DYM: variants seen among roughly 807,000 people sequenced by gnomAD.
DYM encodes the protein dymeclin, also known as dyggve-Melchior-Clausen syndrome protein.
In DYM, 78 loss-of-function variants were observed where a neutral mutation model predicts 93.1. The ratio of observed to expected loss-of-function variants is 0.84; its 90% CI spans 0.70 to 1.01. DYM has a LOEUF of 1.01. Ranked by LOEUF, DYM falls within the 50% of genes least tolerant of loss-of-function variation. DYM has a pLI of 0.00. For synonymous variants in DYM, 321 were observed against 319.7 expected, an observed-to-expected ratio of 1.00 and a Z score of -0.04; for missense variants, 789 against 845.0, an observed-to-expected ratio of 0.93 and a Z score of 0.82.
chr18:49,175,002 C>T (rs1261125659), intron 14 of DYM, among the ~76,000 whole-genome samples: 1 of 152,154 alleles, frequency 6.6e-6, no homozygotes, highest in African/African-American at 2.4e-5. Context: ...TCTCTTTTTA[C>T]TTGCAGATTA....
chr18:49,286,381 A>C, intron 9 of DYM, 53 bp downstream of exon 9: 1 of 1,581,870 alleles, frequency 6.3e-7, no homozygotes, highest in South Asian at 1.1e-5. Context: ...ACAATATAGA[A>C]CAAGCAATAC....
chr18:49,197,109 T>A (rs1229176062), intron 14 of DYM, among the ~76,000 whole-genome samples: 1 of 152,026 alleles, frequency 6.6e-6, no homozygotes, highest in East Asian at 1.9e-4. Context: ...GCTTAAGAGT[T>A]CTCTTGGGAG....
chr18:49,354,347 A>T (rs2065365730), intron 6 of DYM, among the ~76,000 whole-genome samples: 1 of 152,110 alleles, frequency 6.6e-6, no homozygotes, highest in Admixed American at 6.5e-5. Flanking sequence ...ACAATCCATG[A>T]AAGAAATTAT....
At chr18:49,213,741 T>C (rs913057531) in intron 13 of DYM, among the ~76,000 whole-genome samples, 1 of 152,170 alleles carries the variant, frequency 6.6e-6, no homozygotes, top group Non-Finnish European at 1.5e-5. Flanking sequence ...CCCTTCTTCT[T>C]CCCTCCTCTC....
chr18:49,084,796 G>A (rs2078354809), intron 17 of DYM, among the ~76,000 whole-genome samples: 1 of 152,148 alleles, frequency 6.6e-6, no homozygotes, highest in African/African-American at 2.4e-5. Flanking sequence ...AGTTGCAAAG[G>A]AAAATATAGT....
intron 2 of DYM, among the ~76,000 whole-genome samples, chr18:49,419,128 C>G (rs1304300681): frequency 6.6e-6 from 1 of 152,000 alleles, no homozygotes; most frequent in Non-Finnish European, 1.5e-5. Flanking sequence ...TTTGGGAGGT[C>G]AAGGCAGGTG....
At chr18:49,288,570 G>C (rs1037865645) in intron 8 of DYM, among the ~76,000 whole-genome samples, 6 of 152,126 alleles carry the variant, frequency 3.9e-5, no homozygotes, top group African/African-American at 7.2e-5. Context: ...ACTGAGGTCA[G>C]GAGTTCGAGA....
chr18:49,439,635 A>G (rs1023331722), intron 1 of DYM, among the ~76,000 whole-genome samples: 1 of 152,216 alleles, frequency 6.6e-6, no homozygotes, highest in Non-Finnish European at 1.5e-5. Context: ...TCTTCAGACT[A>G]AATTCTGAGT....
intron 15 of DYM, among the ~76,000 whole-genome samples, chr18:49,133,276 C>A (rs1177422958): frequency 6.6e-6 from 1 of 152,100 alleles, no homozygotes; most frequent in Non-Finnish European, 1.5e-5. Flanking sequence ...GGAAATAAGA[C>A]CATGCCCACG....
chr18:49,420,302 G>T (rs1409771923), intron 2 of DYM, among the ~76,000 whole-genome samples: 2 of 151,830 alleles, frequency 1.3e-5, no homozygotes, highest in Admixed American at 1.3e-4. Context: ...CGAGTAGCTG[G>T]GATTACAGGC....
At chr18:49,406,256 A>T (rs943380197) in intron 2 of DYM, among the ~76,000 whole-genome samples, 4 of 152,040 alleles carry the variant, frequency 2.6e-5, no homozygotes, top group Non-Finnish European at 5.9e-5. Flanking sequence ...TTTATTTTTT[A>T]AAATAAAATG....
intron 14 of DYM, among the ~76,000 whole-genome samples, 189 bp from the exon 15 acceptor site, chr18:49,163,976 G>T (rs1258380856): frequency 1.3e-5 from 2 of 152,124 alleles, no homozygotes; most frequent in Non-Finnish European, 2.9e-5. Context: ...TGGGGAGGAT[G>T]TTTAAATCAT....
chr18:49,410,432 G>A (rs185166272), intron 2 of DYM, among the ~76,000 whole-genome samples: 193 of 150,690 alleles, frequency 1.3e-3, no homozygotes, highest in Non-Finnish European at 2.4e-3. Flanking sequence ...CAGGGATTAA[G>A]GTTAAAAAAA....
chr18:49,215,879 G>C (rs187803596), intron 13 of DYM, among the ~76,000 whole-genome samples: 1 of 152,216 alleles, frequency 6.6e-6, no homozygotes, highest in Non-Finnish European at 1.5e-5. Flanking sequence ...CATCTCACTA[G>C]GGAGTGCCAG....
intron 3 of DYM, among the ~76,000 whole-genome samples, chr18:49,382,909 T>C (rs1339871977): frequency 2.0e-5 from 3 of 152,158 alleles, no homozygotes; most frequent in Admixed American, 1.3e-4. Flanking sequence ...AGATGAGAGA[T>C]TAAATTTGCT....
chr18:49,260,669 C>A (rs758822007), intron 11 of DYM, among the ~76,000 whole-genome samples: 1 of 152,020 alleles, frequency 6.6e-6, no homozygotes, highest in Non-Finnish European at 1.5e-5. Flanking sequence ...TTACCACCAA[C>A]GGAAAAAGAA....
Position 49,458,788 on chromosome 18 carries a change from G to C in DYM, c.-54+1610C>G, listed in dbSNP as rs370268475. Among the ~76,000 whole-genome samples the C allele has an allele frequency of 6.6e-5, 10 of 152,262 alleles. No individual in the cohort carries two copies. The East Asian group carries it at 9.6e-4, about 15-fold the overall frequency. Reference sequence around the variant, plus strand: ...CAGGAGGCAGACGTTGCCGTGAGCCGGGATCACGCCACTGTACTCCAGCCT... The same window carrying C: ...CAGGAGGCAGACGTTGCCGTGAGCCCGGATCACGCCACTGTACTCCAGCCT... On this transcript the variant is annotated intron_variant, in intron 1 of 17. Transcript: ENST00000675505.
At chr18:49,255,037 A>C (rs2094362402) in intron 13 of DYM, among the ~76,000 whole-genome samples, 1 of 152,226 alleles carries the variant, frequency 6.6e-6, no homozygotes, top group African/African-American at 2.4e-5. Flanking sequence ...CCAAAAAACA[A>C]TCTAATAGAA....
chr18:49,064,060 G>A (rs1228612459), intron 17 of DYM, among the ~76,000 whole-genome samples: 1 of 152,076 alleles, frequency 6.6e-6, no homozygotes, highest in Non-Finnish European at 1.5e-5. Flanking sequence ...CTTTTAGAAG[G>A]GAGACAGTAG....
Sources: gnomAD v4.1 joint callset for allele counts (sites outside exome capture counted in the v4.1 genomes callset) on GRCh38, gnomAD v4.1.1 for gene constraint, MANE v1.5 for transcripts, NCBI Gene and HGNC (gene_info 2026-07-23, HGNC 2026-07-21) for gene names.